Variants in MEMO1 observed in about 807,000 individuals in gnomAD.
MEMO1 encodes protein MEMO1.
In MEMO1, 6 loss-of-function variants were observed where a neutral mutation model predicts 45.2. That is an observed-to-expected ratio of 0.13 (90% confidence interval 0.07 to 0.26). The LOEUF (loss-of-function observed/expected upper bound fraction) is 0.26. Among genes scored for constraint, MEMO1 ranks in the 10% least tolerant of loss-of-function variants. The probability of loss-of-function intolerance (pLI) is 1.00; values close to 1 mark genes in which losing one functional copy is unlikely to be tolerated. For synonymous variants in MEMO1, 78 were observed against 124.3 expected, an observed-to-expected ratio of 0.63 and a Z score of 2.48; for missense variants, 184 against 370.5, an observed-to-expected ratio of 0.50 and a Z score of 4.13.
At chr2:32,004,792 T>C (rs1018349797) in intron 2 of MEMO1, among the ~76,000 whole-genome samples, 3 of 152,036 alleles carry the variant, frequency 2.0e-5, no homozygotes, top group Non-Finnish European at 4.4e-5. Flanking sequence ...CCGGGTGTGG[T>C]GGTGCATACC....
intron 4 of MEMO1, chr2:31,923,503 G>C: frequency 1.0e-6 from 1 of 959,010 alleles, no homozygotes; most frequent in Non-Finnish European, 1.4e-6. Context: ...CTAAAAGATA[G>C]CACTCTGGTC....
chr2:31,930,679 C>T (rs1225486619), intron 4 of MEMO1, among the ~76,000 whole-genome samples: 1 of 151,964 alleles, frequency 6.6e-6, no homozygotes, highest in Non-Finnish European at 1.5e-5. Context: ...CGCAGTCTTG[C>T]TCTGTTGCCA....
chr2:31,967,320 T>A (rs1668750024), intron 2 of MEMO1, among the ~76,000 whole-genome samples: 1 of 151,790 alleles, frequency 6.6e-6, no homozygotes, highest in South Asian at 2.1e-4. Flanking sequence ...AGAGATGGGG[T>A]TTCACCATGT....
chr2:31,922,425 A>G (rs1166693877), intron 4 of MEMO1, among the ~76,000 whole-genome samples: 5 of 152,096 alleles, frequency 3.3e-5, no homozygotes, highest in Admixed American at 1.3e-4. Flanking sequence ...CACATACAGC[A>G]AACATTAAGA....
At chr2:31,906,214 C>G (rs1221150316) in intron 6 of MEMO1, among the ~76,000 whole-genome samples, 1 of 152,148 alleles carries the variant, frequency 6.6e-6, no homozygotes, top group East Asian at 1.9e-4. Context: ...TCGTGATCCA[C>G]CCGCCTCAAC....
At chr2:31,884,512 G>A (rs923914641) in intron 7 of MEMO1, among the ~76,000 whole-genome samples, 47 of 152,080 alleles carry the variant, frequency 3.1e-4, no homozygotes, top group African/African-American at 1.0e-3. Flanking sequence ...GGAACTCTTC[G>A]GCTAGATAAT....
intron 2 of MEMO1, among the ~76,000 whole-genome samples, chr2:31,957,503 G>C (rs551512920): frequency 3.9e-5 from 6 of 152,228 alleles, no homozygotes; most frequent in African/African-American, 1.2e-4. Context: ...ATAACATATA[G>C]ATTACAGTAA....
intron 6 of MEMO1, among the ~76,000 whole-genome samples, chr2:31,914,860 G>C (rs1681185054): frequency 3.3e-5 from 5 of 151,648 alleles, no homozygotes; most frequent in Admixed American, 3.3e-4. Context: ...TGAAAGCTGA[G>C]GTAGGAAGAT....
At chr2:31,906,102 A>T (rs1210264517) in intron 6 of MEMO1, among the ~76,000 whole-genome samples, 1 of 150,220 alleles carries the variant, frequency 6.7e-6, no homozygotes, top group Non-Finnish European at 1.5e-5. Flanking sequence ...CCTCCCGAGT[A>T]GCTGGGATAC....
At chr2:31,987,854 A>G (rs1224851606) in intron 2 of MEMO1, among the ~76,000 whole-genome samples, 2 of 152,200 alleles carry the variant, frequency 1.3e-5, no homozygotes, top group Non-Finnish European at 2.9e-5. Context: ...GCTAGCAGTA[A>G]TTCTAATTCA....
chr2:31,876,957 T>G (rs560517774), intron 8 of MEMO1, among the ~76,000 whole-genome samples: 4 of 152,340 alleles, frequency 2.6e-5, no homozygotes, highest in Admixed American at 2.0e-4. Flanking sequence ...ACGTTATCTC[T>G]TCCAGCCTCC....
At chr2:31,964,585 C>T (rs1445326469) in intron 2 of MEMO1, among the ~76,000 whole-genome samples, 1 of 152,070 alleles carries the variant, frequency 6.6e-6, no homozygotes, top group Non-Finnish European at 1.5e-5. Context: ...GCTGTAATCC[C>T]AGCTACTCCA....
chr2:31,874,315 C>T (rs1430104868), intron 8 of MEMO1, among the ~76,000 whole-genome samples: 1 of 152,012 alleles, frequency 6.6e-6, no homozygotes, highest in African/African-American at 2.4e-5. Flanking sequence ...ATTGACATTG[C>T]AAAGCACTAA....
intron 2 of MEMO1, among the ~76,000 whole-genome samples, chr2:31,994,230 G>C (rs1433240834): frequency 6.6e-6 from 1 of 150,436 alleles, no homozygotes; most frequent in Non-Finnish European, 1.5e-5. Flanking sequence ...CAAAGTACTG[G>C]AATTACAGGC....
chr2:31,984,370 T>C (rs779060991), intron 2 of MEMO1, among the ~76,000 whole-genome samples: 6 of 152,132 alleles, frequency 3.9e-5, no homozygotes, highest in Non-Finnish European at 7.4e-5. Flanking sequence ...TGAAGGAACA[T>C]TTCACAAAAT....
chr2:31,896,794 T>C (rs1677891091), intron 6 of MEMO1, among the ~76,000 whole-genome samples: 1 of 152,202 alleles, frequency 6.6e-6, no homozygotes. Flanking sequence ...TAAATACTCT[T>C]ATAACTCAAT....
chr2:31,968,686 T>C (rs1668917209), intron 2 of MEMO1, among the ~76,000 whole-genome samples: 1 of 152,218 alleles, frequency 6.6e-6, no homozygotes, highest in Admixed American at 6.5e-5. Context: ...CCAATCTCCA[T>C]GCTTTCCCGA....
At chr2:31,941,139 T>C (rs1392826168) in intron 3 of MEMO1, among the ~76,000 whole-genome samples, 1 of 152,190 alleles carries the variant, frequency 6.6e-6, no homozygotes, top group Non-Finnish European at 1.5e-5. Context: ...TCCTTATGAC[T>C]ACAAAGCCTC....
chr2:31,980,711 G>A (rs528254671), intron 2 of MEMO1, among the ~76,000 whole-genome samples: 6 of 152,136 alleles, frequency 3.9e-5, no homozygotes, highest in Non-Finnish European at 8.8e-5. Flanking sequence ...CACTGAGAAC[G>A]TCACGGCGTT....
Sources: allele counts gnomAD v4.1 joint callset (sites outside exome capture counted in the v4.1 genomes callset), GRCh38; gene constraint gnomAD v4.1.1; transcripts MANE v1.5; gene names NCBI Gene and HGNC (gene_info 2026-07-23, HGNC 2026-07-21).